PLXND1: variants seen among roughly 807,000 people sequenced by gnomAD.
The protein encoded by PLXND1 is plexin D1.
In PLXND1, 54 loss-of-function variants were observed where a neutral mutation model predicts 197.7. That is an observed-to-expected ratio of 0.27 (90% CI 0.22 to 0.34). The LOEUF (loss-of-function observed/expected upper bound fraction) is 0.34, where lower values mean the gene tolerates loss of function less well. Ranked by LOEUF, PLXND1 falls within the 10% of genes least tolerant of loss-of-function variation. PLXND1 has a pLI of 1.00. For missense variants in PLXND1, 2,127 were observed against 2,699.2 expected (o/e 0.79, Z 4.70); for synonymous variants, 1,180 against 1,161.2 (o/e 1.02, Z -0.33).
At chr3:129,585,605 C>T (rs1483451322) in intron 5 of PLXND1, among the ~76,000 whole-genome samples, 3 of 152,308 alleles carry the variant, frequency 2.0e-5, no homozygotes, top group South Asian at 2.1e-4. Context: ...CTCTAGAACC[C>T]GCCTCTTGAG....
At chr3:129,601,797 C>A (rs1369222054) in intron 1 of PLXND1, among the ~76,000 whole-genome samples, 1 of 152,188 alleles carries the variant, frequency 6.6e-6, no homozygotes, top group Non-Finnish European at 1.5e-5. Context: ...ATCCCAGCCC[C>A]CAAATCTGTC....
intron 1 of PLXND1, among the ~76,000 whole-genome samples, chr3:129,604,744 A>T (rs1176182686): frequency 6.6e-6 from 1 of 152,176 alleles, no homozygotes; most frequent in African/African-American, 2.4e-5. Context: ...CTGCACACCT[A>T]GCCCTGTCCC....
rs1029512483 is a variant in PLXND1 at position 129,556,176 on chromosome 3, C to T, written c.*136G>A. ...GCGCCCCTGTCTCAGAGAGCAGCCC[C>T]TCCTCCTGCCCCCGCCCCAGCCGTC... On this transcript the variant is annotated 3_prime_UTR_variant, in exon 36 of 36. Transcript: ENST00000324093. 13 of 714,470 alleles carry T rather than the reference C, an allele frequency of 1.8e-5. No individual in the cohort carries two copies. In the African/African-American group the frequency reaches 2.3e-4, roughly 12 times the overall value. 44.3% of individuals were successfully genotyped at this position (714,470 alleles called of 1,614,324 possible). A position where few individuals can be genotyped will look rare whatever the true frequency, so the allele number is the denominator to read the frequency against.
chr3:129,563,580 C>A (rs538772169), intron 25 of PLXND1, among the ~76,000 whole-genome samples: 2 of 152,270 alleles, frequency 1.3e-5, no homozygotes, highest in Non-Finnish European at 1.5e-5. Flanking sequence ...GGAATCGGAC[C>A]TGGCTCGGCT....
Position 129,589,336 on chromosome 3 carries a change from C to CCCCACCATA in PLXND1, c.1488+14_1488+15insTATGGTGGG. 1 of 1,539,296 alleles carries CCCCACCATA rather than the reference C, an allele frequency of 6.5e-7. No individual in the cohort carries two copies. The highest frequency in any genetic ancestry group is 1.1e-5 in the South Asian group (1 of 87,418). ...CCCACCCCCACCCCCTCCCCACATC[C>CCCCACCATA]CCAACCATACCTACCTTGAGAAGCC... On this transcript the variant is annotated intron_variant, in intron 2 of 35. Transcript: ENST00000324093.
rs763873909 is a variant in PLXND1 at position 129,605,466 on chromosome 3, G to T, written c.1174C>A (p.Arg392Ser). 1.3e-6 allele frequency: 2 copies of T among 1,501,354 alleles called. No homozygotes were observed. The highest frequency in any genetic ancestry group is 1.8e-6 in the Non-Finnish European group (2 of 1,132,236). 93.0% of individuals were successfully genotyped at this position (1,501,354 alleles called of 1,614,324 possible). A position where few individuals can be genotyped will look rare whatever the true frequency, so the allele number is the denominator to read the frequency against. The change falls in exon 1 of 36, where the codon CGC (arginine) becomes AGC (serine). Residue 392 changes from arginine to serine, a missense_variant. Physicochemically the swap from Arg to Ser is moderately radical, Grantham distance 110 (BLOSUM62 -1). Around this residue, in one of 6 missense-constraint regions of PLXND1, gnomAD observed 1,095 missense variants for 1,259.8 expected, o/e 0.87. Transcript: ENST00000324093. ...ATGGCGGCTCGCACGTCGGCGAAGC[G>T]GAAGGCGCAGAGTGCGGCCGGAGCA... Reference protein sequence around the residue: ...RAAPAALCAFRFADVRAAIRA... With the variant: ...RAAPAALCAFSFADVRAAIRA...
chr3:129,556,448 C>T lies in PLXND1; in HGVS notation c.5662-20G>A. The T allele has an allele frequency of 6.3e-7, 1 of 1,592,974 alleles. No homozygotes were observed. Among genetic ancestry groups the T allele is most frequent in the Non-Finnish European group, 8.6e-7 (1 of 1,160,872 alleles). On this transcript the variant is annotated intron_variant, in intron 35 of 35. Coordinates refer to ENST00000324093, the MANE Select transcript of PLXND1 (RefSeq NM_015103.3). ...CATGATCTGAGGGGAGCAGCGGAGTCAGCCGGGCCATGGCCGGTAGCCCTG... is the reference window on the plus strand; with the variant it reads ...CATGATCTGAGGGGAGCAGCGGAGTTAGCCGGGCCATGGCCGGTAGCCCTG...
intron 8 of PLXND1, 33 bp downstream of exon 8, chr3:129,583,534 G>T: frequency 7.5e-7 from 1 of 1,329,584 alleles, no homozygotes; most frequent in Non-Finnish European, 1.1e-6. Context: ...TAATGAAACA[G>T]CAGAGGCGGA....
chr3:129,555,790 T>C lies in PLXND1; in HGVS notation c.*522A>G, dbSNP rs1403114339. ...ACAAAAATCTGACACTACTTGAAACTGTCTGTGGCCAGGATCCTCTACGGG... is the reference window on the plus strand; with the variant it reads ...ACAAAAATCTGACACTACTTGAAACCGTCTGTGGCCAGGATCCTCTACGGG... On this transcript the variant is annotated 3_prime_UTR_variant, in exon 36 of 36. Transcript: ENST00000324093. 7 of 448,098 alleles carry C rather than the reference T, an allele frequency of 1.6e-5. No homozygotes were observed. The highest frequency in any genetic ancestry group is 4.1e-5 in the African/African-American group (2 of 48,514). 27.8% of individuals were successfully genotyped at this position (448,098 alleles called of 1,614,324 possible).
At chr3:129,588,230 C>T (rs943863476) in intron 2 of PLXND1, among the ~76,000 whole-genome samples, 1 of 152,216 alleles carries the variant, frequency 6.6e-6, no homozygotes, top group Non-Finnish European at 1.5e-5. Context: ...AGAGCCTCAA[C>T]GTTCTCATCT....
intron 25 of PLXND1, 61 bp from the exon 26 acceptor site, chr3:129,563,301 G>C: frequency 7.0e-7 from 1 of 1,426,620 alleles, no homozygotes; most frequent in Middle Eastern, 1.9e-4. Flanking sequence ...CCATGCTTTG[G>C]GCCAAACACC....
At chr3:129,594,116 C>A (rs575645682) in intron 1 of PLXND1, among the ~76,000 whole-genome samples, 1 of 152,202 alleles carries the variant, frequency 6.6e-6, no homozygotes. Flanking sequence ...GTGGGCGCTG[C>A]GGCAGGTTGC....
In PLXND1 at chr3:129,555,278, C is replaced by T; in HGVS notation, c.*1034G>A. 2.0e-6 allele frequency: 1 copy of T among 490,140 alleles called. No homozygotes were observed. Among genetic ancestry groups the T allele is most frequent in the Non-Finnish European group, 3.6e-6 (1 of 281,398 alleles). The allele number at this position is 490,140 out of a possible 1,614,324, so 30.4% of individuals were successfully genotyped here. ...AGAGTCCCAGCTGCCCCCCTCCAGC[C>T]CCCATGGGCTCTGAGCCAGTCCCAA... On this transcript the variant is annotated 3_prime_UTR_variant, in exon 36 of 36. Coordinates refer to ENST00000324093, the MANE Select transcript of PLXND1 (RefSeq NM_015103.3).
chr3:129,557,115 C>G lies in PLXND1; in HGVS notation c.5554G>C (p.Glu1852Gln). The G allele has an allele frequency of 6.2e-7, 1 of 1,614,114 alleles. No individual in the cohort carries two copies. Among genetic ancestry groups the G allele is most frequent in the Non-Finnish European group, 8.5e-7 (1 of 1,180,036 alleles). ...IQDMTPLSEQ[E>Q]MNAHLAEESR... ...TCCTCGGCCAGATGGGCATTCATCT[C>G]TTGCTCGCTGAGCGGCGTCATGTCC... The change falls in exon 34 of 36, where the codon GAG (glutamate) becomes CAG (glutamine). Residue 1852 changes from glutamate (E) to glutamine (Q), a missense_variant. By Grantham distance (29) the Glu-to-Gln change is conservative (BLOSUM62 2). Coordinates refer to ENST00000324093, the MANE Select transcript of PLXND1 (RefSeq NM_015103.3). This position sits in a 1 kb window ranked among gnomAD's most constrained non-coding sequence, Gnocchi z 4.8.
intron 1 of PLXND1, among the ~76,000 whole-genome samples, chr3:129,602,200 A>G (rs951571900): frequency 6.6e-5 from 10 of 152,084 alleles, no homozygotes; most frequent in Non-Finnish European, 1.2e-4. Flanking sequence ...GCCTGCTGAG[A>G]CCACTCCACT....
chr3:129,567,792 G>A lies in PLXND1; in HGVS notation c.3879C>T (p.Phe1293=), dbSNP rs2245278. 0.27 allele frequency: 435,539 copies of A among 1,605,846 alleles called. 60,622 individuals are homozygous for A. The highest frequency in any genetic ancestry group is 0.3 in the East Asian group (13,505 of 44,746). ...GCTCAGCACGTCGGCTCTTGGTACA[G>A]AAGACGAACAGGGCTGCGGGCAGTG... ...LLLSVVALFV[F]CTKSRRAERY... Residue 1293 remains phenylalanine (F), a synonymous_variant, in exon 21 of 36, where the codon TTC becomes TTT. Transcript: ENST00000324093.
intron 21 of PLXND1, 32 bp from the exon 22 acceptor site, chr3:129,567,636 C>T (rs1464851272): frequency 3.2e-6 from 5 of 1,585,796 alleles, no homozygotes; most frequent in Non-Finnish European, 3.5e-6. Context: ...GTGAGCGGCC[C>T]GAGAACCCAT....
At chr3:129,575,965 G>T in intron 9 of PLXND1, 110 bp from the exon 10 acceptor site, 1 of 708,788 alleles carries the variant, frequency 1.4e-6, no homozygotes, top group Non-Finnish European at 2.6e-6. Flanking sequence ...GGTGGGCTTG[G>T]TCGAACTGTC....
Position 129,569,977 on chromosome 3 carries a change from G to A in PLXND1, c.3751-20C>T. The stretch of plus-strand genomic sequence containing the variant: ...CTGGATCTGTGCAGAGGTTGGGGAA[G>A]GGGGTTGTAGCTTTCCTGGACTTAT... On this transcript the variant is annotated intron_variant, in intron 19 of 35. Coordinates refer to ENST00000324093, the MANE Select transcript of PLXND1 (RefSeq NM_015103.3). The A allele has an allele frequency of 2.1e-6, 3 of 1,411,160 alleles. No homozygotes were observed. The highest frequency in any genetic ancestry group is 3.0e-6 in the Non-Finnish European group (3 of 995,320). The allele number at this position is 1,411,160 out of a possible 1,614,324, so 87.4% of individuals were successfully genotyped here. A position where few individuals can be genotyped will look rare whatever the true frequency, so the allele number is the denominator to read the frequency against.
Sources: allele counts gnomAD v4.1 joint callset (sites outside exome capture counted in the v4.1 genomes callset), GRCh38; gene constraint gnomAD v4.1.1; regional missense constraint gnomAD v4.1.1; non-coding constraint Gnocchi (gnomAD v3.1); transcripts MANE v1.5; gene names NCBI Gene and HGNC (gene_info 2026-07-23, HGNC 2026-07-21).